Variants in DCLK2 observed in about 807,000 individuals in gnomAD.
DCLK2 encodes the protein serine/threonine-protein kinase DCLK2.
DCLK2 carries 31 observed loss-of-function variants against 78.4 expected under a neutral mutation model. The ratio of observed to expected loss-of-function variants is 0.40; its 90% confidence interval spans 0.30 to 0.53. The LOEUF (loss-of-function observed/expected upper bound fraction) is 0.53, where lower values mean the gene tolerates loss of function less well. DCLK2 is among the 20% of genes least tolerant of loss of function. The pLI, the probability that DCLK2 is intolerant of heterozygous loss-of-function variation, is 0.61. For synonymous variants in DCLK2, 407 were observed against 374.9 expected, an observed-to-expected ratio of 1.09 and a Z score of -0.99; for missense variants, 872 against 973.7, an observed-to-expected ratio of 0.90 and a Z score of 1.39.
At chr4:150,112,921 G>A (rs1317273910) in intron 2 of DCLK2, among the ~76,000 whole-genome samples, 1 of 148,762 alleles carries the variant, frequency 6.7e-6, no homozygotes, top group South Asian at 2.1e-4. Flanking sequence ...AGAGATTCTC[G>A]TGCCTCAGCC....
intron 12 of DCLK2, among the ~76,000 whole-genome samples, chr4:150,244,172 C>T (rs2126612694): frequency 6.6e-6 from 1 of 152,166 alleles, no homozygotes; most frequent in African/African-American, 2.4e-5. Flanking sequence ...TAGCCTCAGG[C>T]AGTCCTCCCA....
chr4:150,196,310 A>G (rs555853639), intron 3 of DCLK2, among the ~76,000 whole-genome samples: 18 of 152,344 alleles, frequency 1.2e-4, no homozygotes, highest in African/African-American at 4.3e-4. Context: ...TCCTGCTCAT[A>G]TAAAAGAGTA....
chr4:150,224,516 G>T lies in DCLK2; in HGVS notation c.1257G>T (p.Glu419Asp). 6.2e-7 allele frequency: 1 copy of T among 1,612,326 alleles called. No homozygotes were observed. The highest frequency in any genetic ancestry group is 1.1e-5 in the South Asian group (1 of 90,686). Residue 419 changes from glutamate (E) to aspartate (D), a missense_variant, in exon 8 of 16, where the codon GAG becomes GAT. Coordinates refer to ENST00000296550, the MANE Select transcript of DCLK2 (RefSeq NM_001040260.4). Reference sequence around the variant, plus strand: ...TATTCCATAGGTCCACTGGAAAGGAGTTTGCCCTAAAGATTATAGACAAAG... The same window carrying T: ...TATTCCATAGGTCCACTGGAAAGGATTTTGCCCTAAAGATTATAGACAAAG... ...KECIDRSTGKEFALKIIDKAK... is the reference protein window; with the variant it reads ...KECIDRSTGKDFALKIIDKAK...
chr4:150,247,246 T>G (rs565335767), intron 12 of DCLK2, among the ~76,000 whole-genome samples: 41 of 152,294 alleles, frequency 2.7e-4, no homozygotes, highest in African/African-American at 9.9e-4. Context: ...ATTCTCACCA[T>G]TTTTAAGCGT....
At chr4:150,249,506 A>T in intron 14 of DCLK2, 62 bp from the exon 15 acceptor site, 1 of 1,472,866 alleles carries the variant, frequency 6.8e-7, no homozygotes, top group Non-Finnish European at 9.5e-7. Flanking sequence ...ACTCTTAAGG[A>T]AAAGACAACT....
At chr4:150,198,364 A>G (rs774168670) in intron 4 of DCLK2, among the ~76,000 whole-genome samples, 2 of 152,218 alleles carry the variant, frequency 1.3e-5, no homozygotes, top group Admixed American at 6.5e-5. Context: ...TGGTATTTAC[A>G]TAGAAGCGTT....
At chr4:150,176,810 C>T (rs1737125522) in intron 2 of DCLK2, among the ~76,000 whole-genome samples, 2 of 152,128 alleles carry the variant, frequency 1.3e-5, no homozygotes, top group African/African-American at 4.8e-5. Flanking sequence ...CTTGTGGCCC[C>T]AGGGAGGGGA....
At chr4:150,234,696 A>AT (rs1742342945) in intron 10 of DCLK2, among the ~76,000 whole-genome samples, 1 of 152,028 alleles carries the variant, frequency 6.6e-6, no homozygotes, top group African/African-American at 2.4e-5. Flanking sequence ...CCTTGAGGGA[A>AT]TTATATTTCA....
rs76380722 is a variant in DCLK2 at position 150,089,256 on chromosome 4, A to G, written c.421+9808A>G. Among the ~76,000 whole-genome samples, 510 of 152,334 alleles carry G rather than the reference A, an allele frequency of 3.3e-3. 2 individuals carry two copies. The highest frequency in any genetic ancestry group is 7.7e-3 in the Admixed American group (118 of 15,306). On this transcript the variant is annotated intron_variant, in intron 1 of 15. Coordinates refer to ENST00000296550, the MANE Select transcript of DCLK2 (RefSeq NM_001040260.4). ...AACTTTTGAGTTACCATCATTATCA[A>G]TCACTTGCTTAAAACTGAGGGCTAA...
intron 5 of DCLK2, among the ~76,000 whole-genome samples, chr4:150,213,297 A>G (rs1740446596): frequency 6.6e-6 from 1 of 152,258 alleles, no homozygotes; most frequent in African/African-American, 2.4e-5. Flanking sequence ...CTGTTAACCA[A>G]CCACAAGTCT....
chr4:150,098,337 G>A (rs900462912), intron 1 of DCLK2, among the ~76,000 whole-genome samples: 5 of 152,078 alleles, frequency 3.3e-5, no homozygotes, highest in African/African-American at 7.2e-5. Flanking sequence ...GAGTGACTTC[G>A]TATGATATAG....
At chr4:150,250,545 T>C (rs1743696019) in intron 15 of DCLK2, among the ~76,000 whole-genome samples, 1 of 151,792 alleles carries the variant, frequency 6.6e-6, no homozygotes, top group African/African-American at 2.4e-5. Flanking sequence ...TGGAGTGGCC[T>C]TTCCCAGAGC....
intron 5 of DCLK2, among the ~76,000 whole-genome samples, chr4:150,210,504 ACT>A (rs1370254041): frequency 6.6e-6 from 1 of 151,764 alleles, no homozygotes; most frequent in Non-Finnish European, 1.5e-5. Flanking sequence ...TCTATAAATG[ACT>A]CTACTAGGAA....
intron 3 of DCLK2, among the ~76,000 whole-genome samples, chr4:150,195,173 TACAA>T: frequency 1.1e-4 from 1 of 9,358 alleles, no homozygotes; most frequent in African/African-American, 1.5e-4. Context: ...ATATATTATA[TACAA>T]TATTATATAT....
intron 10 of DCLK2, 29 bp from the exon 11 acceptor site, chr4:150,239,713 T>C: frequency 6.3e-7 from 1 of 1,580,856 alleles, no homozygotes; most frequent in Non-Finnish European, 8.7e-7. Flanking sequence ...AAAAAAAATC[T>C]TCTGATTGTT....
chr4:150,157,516 TGTTTGTTTG>T lies in DCLK2; in HGVS notation c.757-35621_757-35613del, dbSNP rs750723120. On this transcript the variant is annotated intron_variant, in intron 2 of 15. Coordinates refer to ENST00000296550, the MANE Select transcript of DCLK2 (RefSeq NM_001040260.4). Reference sequence around the variant, plus strand: ...TTGTTTGTTTGTTTGTTTGTTTGTTTGTTTGTTTGTTTTTGAGCTGGAGTCTCTCTCTCT... The same window carrying T: ...TTGTTTGTTTGTTTGTTTGTTTGTTTTTTTTGAGCTGGAGTCTCTCTCTCT... Among the ~76,000 whole-genome samples the T allele has an allele frequency of 1.8e-3, 271 of 149,410 alleles. 2 individuals carry two copies. Among genetic ancestry groups the T allele is most frequent in the Non-Finnish European group, 2.9e-3 (197 of 67,290 alleles).
At chr4:150,237,354 A>G (rs1315895602) in intron 10 of DCLK2, among the ~76,000 whole-genome samples, 1 of 152,186 alleles carries the variant, frequency 6.6e-6, no homozygotes, top group Non-Finnish European at 1.5e-5. Context: ...AATCATTCAT[A>G]TCTTTGAAAA....
chr4:150,163,845 C>T (rs1382137288), intron 2 of DCLK2, among the ~76,000 whole-genome samples: 1 of 152,180 alleles, frequency 6.6e-6, no homozygotes, highest in Admixed American at 6.5e-5. Flanking sequence ...TGAAGAGTCA[C>T]CAAAGTTCTT....
intron 5 of DCLK2, among the ~76,000 whole-genome samples, chr4:150,208,788 A>G (rs1740061515): frequency 6.6e-6 from 1 of 152,166 alleles, no homozygotes; most frequent in African/African-American, 2.4e-5. Flanking sequence ...TGTGCCCATT[A>G]TTTCCACCTA....
Sources: gnomAD v4.1 joint callset for allele counts (sites outside exome capture counted in the v4.1 genomes callset) on GRCh38, gnomAD v4.1.1 for gene constraint, MANE v1.5 for transcripts, NCBI Gene and HGNC (gene_info 2026-07-23, HGNC 2026-07-21) for gene names.